Variants in FANCB observed in about 807,000 individuals in gnomAD.
FANCB encodes the protein FA complementation group B.
FANCB carries 5 observed loss-of-function variants against 38.9 expected under a neutral mutation model. The ratio of observed to expected loss-of-function variants is 0.13; its 90% confidence interval spans 0.07 to 0.27. The LOEUF is 0.27. Ranked by LOEUF, FANCB falls within the 10% of genes least tolerant of loss-of-function variation. The pLI, the probability that FANCB is intolerant of heterozygous loss-of-function variation, is 1.00. For synonymous variants in FANCB, 236 were observed against 215.4 expected (o/e 1.10, Z -0.84); for missense variants, 573 against 602.7 (o/e 0.95, Z 0.52).
chrX:14,835,002 C>A, downstream of FANCB: 4 of 617,236 alleles, frequency 6.5e-6, no homozygotes, highest in Non-Finnish European at 1.1e-5. Flanking sequence ...ATGCACTGGC[C>A]CTGAATCACA....
the FANCB span, chrX:14,731,036 G>A: frequency 1.8e-5 from 2 of 111,431 alleles, no homozygotes; most frequent in East Asian, 2.8e-4. Flanking sequence ...ATGCTGCCTC[G>A]TTTTTAAAAC....
the FANCB span, among the ~76,000 whole-genome samples, chrX:14,757,947 C>G: frequency 2.9e-4 from 32 of 111,684 alleles, no homozygotes; most frequent in East Asian, 8.0e-3. Context: ...AGCTGGGAGG[C>G]TGGTAGCCTG....
chrX:14,798,803 A>T, the FANCB span, among the ~76,000 whole-genome samples: 1 of 111,903 alleles, frequency 8.9e-6, no homozygotes, highest in South Asian at 3.7e-4. Context: ...ACACCAATTT[A>T]GATACTGATG....
chrX:14,698,302 C>T, the FANCB span, among the ~76,000 whole-genome samples: 3 of 111,481 alleles, frequency 2.7e-5, no homozygotes, highest in Non-Finnish European at 5.6e-5. Flanking sequence ...TAGTTTGGGG[C>T]CCACCTAGTC....
chrX:14,699,856 T>G, the FANCB span, among the ~76,000 whole-genome samples: 3 of 111,830 alleles, frequency 2.7e-5, no homozygotes, highest in Non-Finnish European at 5.6e-5. Flanking sequence ...CAGGGCATTA[T>G]CCTCAGCAAA....
At chrX:14,743,244 T>C in the FANCB span, among the ~76,000 whole-genome samples, 1 of 112,212 alleles carries the variant, frequency 8.9e-6, no homozygotes, top group Non-Finnish European at 1.9e-5. Context: ...TGTGTGGCTC[T>C]TGGCAATGTT....
At chrX:14,839,042 G>T (rs757896971), downstream of FANCB, among the ~76,000 whole-genome samples, 29 of 111,708 alleles carry the variant, frequency 2.6e-4, no homozygotes, top group Admixed American at 2.6e-3. Flanking sequence ...TGTAATCCCA[G>T]CACTTTGGGA....
chrX:14,840,854 C>CA (rs2092353136), downstream of FANCB, among the ~76,000 whole-genome samples: 1 of 111,654 alleles, frequency 9.0e-6, no homozygotes, highest in Non-Finnish European at 1.9e-5. Flanking sequence ...TGTAGCAAAG[C>CA]AAAAAATCTG....
chrX:14,841,902 A>C (rs1440741184), downstream of FANCB, among the ~76,000 whole-genome samples: 1 of 111,842 alleles, frequency 8.9e-6, no homozygotes, highest in East Asian at 2.8e-4. Context: ...AAAAATAAGC[A>C]ATATGCTATT....
the FANCB span, among the ~76,000 whole-genome samples, chrX:14,714,452 C>T: frequency 9.0e-6 from 1 of 111,676 alleles, no homozygotes. Flanking sequence ...GAAAGATCCA[C>T]CATTATGAGA....
At chrX:14,766,477 T>C in the FANCB span, among the ~76,000 whole-genome samples, 1 of 110,895 alleles carries the variant, frequency 9.0e-6, no homozygotes, top group African/African-American at 3.3e-5. Context: ...AAATTTAGAG[T>C]TAATAGTAAA....
chrX:14,701,341 T>C, the FANCB span, among the ~76,000 whole-genome samples: 2 of 110,936 alleles, frequency 1.8e-5, no homozygotes, highest in South Asian at 7.6e-4. Flanking sequence ...GGTTCCACAA[T>C]TGATCCAGGC....
chrX:14,710,073 A>G, the FANCB span, among the ~76,000 whole-genome samples: 5 of 111,580 alleles, frequency 4.5e-5, no homozygotes, highest in Non-Finnish European at 7.5e-5. Context: ...GAAACCTCCT[A>G]ACACTTCTCC....
At chrX:14,707,379 G>A in the FANCB span, among the ~76,000 whole-genome samples, 112 of 111,511 alleles carry the variant, frequency 1.0e-3, no homozygotes, top group Middle Eastern at 4.6e-3. Context: ...GCTGTTAGGA[G>A]CAAGCAAGAT....
At chrX:14,862,924 G>A (rs1318769059) in intron 3 of FANCB, among the ~76,000 whole-genome samples, 4 of 111,892 alleles carry the variant, frequency 3.6e-5, no homozygotes, top group Non-Finnish European at 5.6e-5. Context: ...TATACCAGAT[G>A]TTTTTCCCCT....
chrX:14,833,667 C>G (rs980072476), downstream of FANCB, among the ~76,000 whole-genome samples: 1 of 42,277 alleles, frequency 2.4e-5, no homozygotes, highest in Non-Finnish European at 4.2e-5. Flanking sequence ...CCTGGGGAGG[C>G]TGGGTGTGGG....
chrX:14,743,536 C>A, the FANCB span, among the ~76,000 whole-genome samples: 1 of 108,899 alleles, frequency 9.2e-6, no homozygotes, highest in African/African-American at 3.4e-5. Flanking sequence ...CAGTTATACT[C>A]CCCTCCAGGG....
the FANCB span, among the ~76,000 whole-genome samples, chrX:14,823,079 CTTTTTTT>C: frequency 4.2e-5 from 3 of 71,121 alleles, no homozygotes; most frequent in Non-Finnish European, 7.5e-5. Context: ...TACCCTTTTA[CTTTTTTT>C]TTTTTTTTTT....
the FANCB span, among the ~76,000 whole-genome samples, chrX:14,810,567 T>C: frequency 9.0e-5 from 10 of 110,625 alleles, no homozygotes; most frequent in East Asian, 2.8e-4. Flanking sequence ...AGGGTATCAG[T>C]GATGGAAGAT....
Sources: allele counts gnomAD v4.1 joint callset (sites outside exome capture counted in the v4.1 genomes callset), GRCh38; gene constraint gnomAD v4.1.1; transcripts MANE v1.5; gene names NCBI Gene and HGNC (gene_info 2026-07-23, HGNC 2026-07-21).